The following CPS1 variants were observed in gnomAD, a reference collection of about 807,000 sequenced individuals.
CPS1 encodes carbamoyl-phosphate synthase [ammonia], mitochondrial.
In CPS1, 109 loss-of-function variants were observed where a neutral mutation model predicts 174.6. The ratio of observed to expected loss-of-function variants is 0.62; its 90% CI spans 0.53 to 0.73. The LOEUF is 0.73. Ranked by LOEUF, CPS1 falls within the 30% of genes least tolerant of loss-of-function variation. The pLI, the probability that CPS1 is intolerant of heterozygous loss-of-function variation, is 0.00. For missense variants in CPS1, 1,689 were observed against 1,821.9 expected, an observed-to-expected ratio of 0.93 and a Z score of 1.33; for synonymous variants, 637 against 632.0, an observed-to-expected ratio of 1.01 and a Z score of -0.12.
intron 11 of CPS1, among the ~76,000 whole-genome samples, chr2:210,594,288 C>A (rs1372610652): frequency 3.3e-5 from 5 of 151,904 alleles, no homozygotes; most frequent in Middle Eastern, 6.8e-3. Flanking sequence ...TTGGAAACTT[C>A]TTTTTTATAA....
chr2:210,628,935 G>A (rs1468699197), intron 21 of CPS1, among the ~76,000 whole-genome samples: 1 of 152,144 alleles, frequency 6.6e-6, no homozygotes, highest in African/African-American at 2.4e-5. Flanking sequence ...CTGCTCTGTG[G>A]AAACATGATG....
At chr2:210,530,076 C>T (rs1431714223) in intron 1 of CPS1, among the ~76,000 whole-genome samples, 1 of 151,880 alleles carries the variant, frequency 6.6e-6, no homozygotes, top group East Asian at 1.9e-4. Context: ...TAAGGGTTAC[C>T]ACTTTATAAT....
chr2:210,527,111 CTT>C (rs1279186591), intron 1 of CPS1, among the ~76,000 whole-genome samples: 1 of 151,312 alleles, frequency 6.6e-6, no homozygotes, highest in Non-Finnish European at 1.5e-5. Context: ...CTTTTTTTCT[CTT>C]CTTTATTTCT....
chr2:210,654,195 ATCTATAAAACAGG>A, intron 29 of CPS1, 93 bp downstream of exon 29: 2 of 1,181,492 alleles, frequency 1.7e-6, no homozygotes, highest in Non-Finnish European at 2.5e-6. Context: ...AATTCATAAT[ATCTATAAAACAGG>A]TCTCCAGTAA....
intron 5 of CPS1, 65 bp downstream of exon 5, chr2:210,579,835 G>C (rs1396973489): frequency 1.6e-6 from 2 of 1,232,850 alleles, no homozygotes; most frequent in Admixed American, 3.6e-5. Flanking sequence ...TGTGTGTGTG[G>C]TGTTTCCCTC....
chr2:210,491,693 G>A (rs944920741), intron 1 of CPS1, among the ~76,000 whole-genome samples: 1 of 152,104 alleles, frequency 6.6e-6, no homozygotes, highest in African/African-American at 2.4e-5. Flanking sequence ...AAGGCACCAA[G>A]TTTCTACCTC....
chr2:210,577,287 TGCCTC>T lies in CPS1; in HGVS notation c.382-133_382-129del. 1.5e-5 allele frequency: 11 copies of T among 718,014 alleles called. No homozygotes were observed. In the Admixed American group the frequency reaches 1.6e-4, roughly 11 times the overall value. The allele number at this position is 718,014 out of a possible 1,614,324, so 44.5% of individuals were successfully genotyped here. A position where few individuals can be genotyped will look rare whatever the true frequency, so the allele number is the denominator to read the frequency against. ...AGAAGGGCATTGATTTTTTTTTTTT[TGCCTC>T]TTGTTTTTAAAAATCCTAAGTCTCA... On this transcript the variant is annotated intron_variant, in intron 3 of 37. Transcript: ENST00000233072.
At chr2:210,636,585 A>T (rs1424129429) in intron 21 of CPS1, among the ~76,000 whole-genome samples, 1 of 152,084 alleles carries the variant, frequency 6.6e-6, no homozygotes, top group Non-Finnish European at 1.5e-5. Flanking sequence ...ATCCAGCAGG[A>T]AAAAGCCTGA....
At chr2:210,582,739 T>A (rs1235813306) in intron 6 of CPS1, 30 bp downstream of exon 6, 1 of 1,514,110 alleles carries the variant, frequency 6.6e-7, no homozygotes. Flanking sequence ...ATTTTGTAGT[T>A]TTATTTGATC....
At chr2:210,582,281 T>C (rs756727325) in intron 5 of CPS1, among the ~76,000 whole-genome samples, 2 of 152,122 alleles carry the variant, frequency 1.3e-5, no homozygotes, top group Non-Finnish European at 2.9e-5. Flanking sequence ...TGTCTTTAGG[T>C]CATATACGCT....
At position 210,605,087 on chromosome 2, in the gene CPS1, G is replaced by C; in HGVS notation, c.1837-15G>C. On this transcript the variant is annotated splice_polypyrimidine_tract_variant and intron_variant, in intron 16 of 37. Transcript: ENST00000233072. ...TTTTTCTTACTCTTTGATATCTTTT[G>C]TCACCAATTTCTAGGCCTTTGCTAT... 1 of 1,611,278 alleles carries C rather than the reference G, an allele frequency of 6.2e-7. No individual in the cohort carries two copies. Among genetic ancestry groups the C allele is most frequent in the Non-Finnish European group, 8.5e-7 (1 of 1,178,244 alleles).
At chr2:210,517,588 C>G (rs188083537) in intron 1 of CPS1, among the ~76,000 whole-genome samples, 57 of 152,028 alleles carry the variant, frequency 3.7e-4, no homozygotes, top group Non-Finnish European at 7.4e-4. Context: ...AAATCAGGAG[C>G]CTCCACAGAA....
Position 210,590,159 on chromosome 2 carries a change from G to A in CPS1, c.765G>A (p.Glu255=), listed in dbSNP as rs748743178. Residue 255 remains glutamate, a synonymous_variant, in exon 8 of 38, where the codon GAG becomes GAA. Coordinates refer to ENST00000233072, the MANE Select transcript of CPS1 (RefSeq NM_001875.5). ...VPWNHDFTKM[E]YDGILIAGGP... ...GGAACCATGATTTCACCAAGATGGA[G>A]TATGATGGGATTTTGATCGCGGGAG... The A allele has an allele frequency of 6.8e-6, 11 of 1,612,806 alleles. No individual in the cohort carries two copies. Among genetic ancestry groups the A allele is most frequent in the African/African-American group, 4.0e-5 (3 of 74,792 alleles).
chr2:210,541,118 T>G (rs2106012960), intron 1 of CPS1, among the ~76,000 whole-genome samples: 1 of 152,256 alleles, frequency 6.6e-6, no homozygotes, highest in Middle Eastern at 3.4e-3. Context: ...AAGACTCAGA[T>G]CATCGGGAGT....
intron 29 of CPS1, among the ~76,000 whole-genome samples, chr2:210,655,965 C>T (rs932917848): frequency 6.6e-6 from 1 of 152,174 alleles, no homozygotes; most frequent in African/African-American, 2.4e-5. Flanking sequence ...ACATACCAGT[C>T]ACCTGAACCT....
rs1173906304 is a variant in CPS1, at chr2:210,485,245, AT to A, written c.3+7480del. Reference sequence around the variant, plus strand: ...AGACTACATCTCAAAAAAAAAAAAAATAAAATAAAAATAAAAATAGATCTTA... The same window carrying A: ...AGACTACATCTCAAAAAAAAAAAAAAAAAATAAAAATAAAAATAGATCTTA... On this transcript the variant is annotated intron_variant, in intron 1 of 38. Coordinates refer to the CPS1 transcript ENST00000430249. Among the ~76,000 whole-genome samples, 14 of 139,302 alleles carry A rather than the reference AT, an allele frequency of 1.0e-4. No homozygotes were observed. The South Asian group carries it at 1.4e-3, about 14-fold the overall frequency. The allele number at this position is 139,302 out of a possible 152,430, so 91.4% of individuals were successfully genotyped here.
At chr2:210,602,122 A>G in intron 15 of CPS1, 80 bp from the exon 16 acceptor site, 1 of 1,570,360 alleles carries the variant, frequency 6.4e-7, no homozygotes, top group South Asian at 1.1e-5. Context: ...GGTTTACCTG[A>G]TTGCCAGACT....
chr2:210,591,065 T>A (rs933212302), intron 9 of CPS1, among the ~76,000 whole-genome samples, 159 bp downstream of exon 9: 4 of 150,412 alleles, frequency 2.7e-5, no homozygotes, highest in Admixed American at 1.3e-4. Flanking sequence ...AATAAATAAA[T>A]AAATAAAATA....
At chr2:210,568,430 A>G (rs959110515) in intron 1 of CPS1, among the ~76,000 whole-genome samples, 3 of 152,126 alleles carry the variant, frequency 2.0e-5, no homozygotes. Flanking sequence ...AAGTAAGGAG[A>G]GACTGGAGGC....
Sources: allele counts gnomAD v4.1 joint callset (sites outside exome capture counted in the v4.1 genomes callset), GRCh38; gene constraint gnomAD v4.1.1; transcripts MANE v1.5; gene names NCBI Gene and HGNC (gene_info 2026-07-23, HGNC 2026-07-21).